Variants in OTUB2 observed in about 807,000 individuals in gnomAD.
OTUB2 encodes OTU deubiquitinase, ubiquitin aldehyde binding 2.
Under a neutral mutation model 25.1 loss-of-function variants are expected in OTUB2, and 21 were observed. That is an observed-to-expected ratio of 0.84 (90% CI 0.59 to 1.21). The LOEUF (loss-of-function observed/expected upper bound fraction) is 1.21, where lower values mean the gene tolerates loss of function less well. Among genes scored for constraint, OTUB2 ranks in the 50% most tolerant of loss-of-function variants. OTUB2 has a pLI of 0.00. For missense variants in OTUB2, 283 were observed against 298.0 expected (o/e 0.95, Z 0.37); for synonymous variants, 122 against 122.8 (o/e 0.99, Z 0.04).
At chr14:94,026,605 C>G in intron 1 of OTUB2, 65 bp downstream of exon 1, 4 of 1,066,696 alleles carry the variant, frequency 3.7e-6, no homozygotes, top group Non-Finnish European at 3.6e-6. Flanking sequence ...GGGTCGCTGC[C>G]GGAGCGGGTG....
At chr14:94,032,858 T>G (rs1466976814) in intron 1 of OTUB2, among the ~76,000 whole-genome samples, 1 of 152,222 alleles carries the variant, frequency 6.6e-6, no homozygotes, top group Non-Finnish European at 1.5e-5. Flanking sequence ...GCCCACAGTG[T>G]GTCCTGAAGG....
chr14:94,040,647 C>G (rs139004803), intron 3 of OTUB2, among the ~76,000 whole-genome samples: 271 of 152,358 alleles, frequency 1.8e-3, no homozygotes, highest in African/African-American at 6.1e-3. Flanking sequence ...TCCTGTCTCC[C>G]CACTCCAGTC....
At position 94,045,737 on chromosome 14, in the gene OTUB2, G is replaced by A; in HGVS notation, c.520G>A (p.Glu174Lys). 1 of 1,614,158 alleles carries A rather than the reference G, an allele frequency of 6.2e-7. No homozygotes were observed. Among genetic ancestry groups the A allele is most frequent in the Non-Finnish European group, 8.5e-7 (1 of 1,180,028 alleles). Residue 174 changes from glutamate to lysine, a missense_variant, in exon 6 of 6, where the codon GAG (glutamate) becomes AAG (lysine). Coordinates refer to ENST00000203664, the MANE Select transcript of OTUB2 (RefSeq NM_023112.4). ...CTHEVEPMAT[E>K]CDHIQITALS... ...GCAGGAAGTAGAGCCCATGGCCACG[G>A]AGTGTGACCACATCCAGATCACGGC... is the stretch of plus-strand genomic sequence containing the variant.
chr14:94,030,365 G>A (rs1008153823), intron 1 of OTUB2, among the ~76,000 whole-genome samples: 1 of 151,808 alleles, frequency 6.6e-6, no homozygotes, highest in African/African-American at 2.4e-5. Flanking sequence ...GGCGAGGTGG[G>A]CAGGAGAGCA....
At chr14:94,045,641 A>C in intron 5 of OTUB2, 75 bp from the exon 6 acceptor site, 1 of 1,430,404 alleles carries the variant, frequency 7.0e-7, no homozygotes, top group Admixed American at 1.9e-5. Flanking sequence ...TGACCCTGAG[A>C]GCCAGAGCTG....
rs993642087 is a variant in OTUB2 at position 94,046,051 on chromosome 14, C to G, written c.*129C>G. On this transcript the variant is annotated 3_prime_UTR_variant, in exon 6 of 6. Transcript: ENST00000203664. The stretch of plus-strand genomic sequence containing the variant: ...AAATGTGCAGCCTTTTGGGCAAAGC[C>G]CCTGGGAACGAGGCCTATCCACTAT... 5.6e-6 allele frequency: 6 copies of G among 1,077,844 alleles called. No homozygotes were observed. Among genetic ancestry groups the G allele is most frequent in the Non-Finnish European group, 8.1e-6 (6 of 739,738 alleles). 66.8% of individuals were successfully genotyped at this position (1,077,844 alleles called of 1,614,324 possible).
At chr14:94,034,223 C>T (rs1358357945) in intron 1 of OTUB2, among the ~76,000 whole-genome samples, 1 of 152,182 alleles carries the variant, frequency 6.6e-6, no homozygotes, top group Non-Finnish European at 1.5e-5. Context: ...GCCTGTAAAT[C>T]GTGTCCTGTT....
At chr14:94,034,649 A>C (rs565093914) in intron 1 of OTUB2, among the ~76,000 whole-genome samples, 243 of 152,346 alleles carry the variant, frequency 1.6e-3, no homozygotes, top group Non-Finnish European at 1.7e-3. Flanking sequence ...TTTGCACAAT[A>C]ATGGCACCTG....
chr14:94,029,934 G>C (rs1338379634), intron 1 of OTUB2, among the ~76,000 whole-genome samples: 1 of 152,202 alleles, frequency 6.6e-6, no homozygotes, highest in Non-Finnish European at 1.5e-5. Flanking sequence ...GATGCCACCT[G>C]CATCTTGGGA....
At chr14:94,029,275 T>C (rs984888942) in intron 1 of OTUB2, among the ~76,000 whole-genome samples, 1 of 152,206 alleles carries the variant, frequency 6.6e-6, no homozygotes, top group Non-Finnish European at 1.5e-5. Context: ...TATTCATTCA[T>C]GCAGTGTGTG....
chr14:94,037,061 G>A (rs766369252), intron 1 of OTUB2, among the ~76,000 whole-genome samples: 78 of 152,326 alleles, frequency 5.1e-4, no homozygotes, highest in Non-Finnish European at 9.0e-4. Flanking sequence ...GAGACAAAGG[G>A]CCTTATCCTC....
Position 94,038,271 on chromosome 14 carries a change from G to T in OTUB2, c.100-692G>T, listed in dbSNP as rs72700381. 6.7e-3 allele frequency among the ~76,000 whole-genome samples: 1,021 copies of T among 152,350 alleles called. 7 individuals are homozygous for T. Among genetic ancestry groups the T allele is most frequent in the Non-Finnish European group, 8.2e-3 (561 of 68,026 alleles). On this transcript the variant is annotated intron_variant, in intron 2 of 5. Transcript: ENST00000203664. Reference sequence around the variant, plus strand: ...GGGGCACTTCCAGGGAAGGAGCTGGGCTCTGCAGCCCACTGACTTTTGTGT... The same window carrying T: ...GGGGCACTTCCAGGGAAGGAGCTGGTCTCTGCAGCCCACTGACTTTTGTGT...
intron 1 of OTUB2, among the ~76,000 whole-genome samples, chr14:94,027,310 G>A (rs1318545916): frequency 6.6e-6 from 1 of 152,200 alleles, no homozygotes; most frequent in African/African-American, 2.4e-5. Context: ...AGTGCTCTTT[G>A]TGTTACATCG....
chr14:94,026,557 G>T lies in OTUB2; in HGVS notation c.3+17G>T. Reference sequence around the variant, plus strand: ...GTCACTATGGTCAGTGATCGTGGGGGATCGCGAAGGGGGAGCGGGCAGGGG... The same window carrying T: ...GTCACTATGGTCAGTGATCGTGGGGTATCGCGAAGGGGGAGCGGGCAGGGG... On this transcript the variant is annotated intron_variant, in intron 1 of 5. Coordinates refer to ENST00000203664, the MANE Select transcript of OTUB2 (RefSeq NM_023112.4). 2 of 1,229,660 alleles carry T rather than the reference G, an allele frequency of 1.6e-6. No homozygotes were observed. Among genetic ancestry groups the T allele is most frequent in the Non-Finnish European group, 1.0e-6 (1 of 979,350 alleles). 76.2% of individuals were successfully genotyped at this position (1,229,660 alleles called of 1,614,324 possible).
intron 2 of OTUB2, among the ~76,000 whole-genome samples, chr14:94,038,330 C>T (rs547844147): frequency 6.6e-6 from 1 of 152,214 alleles, no homozygotes; most frequent in Admixed American, 6.5e-5. Flanking sequence ...GAGCCAGGGG[C>T]TCCAGAGAGT....
At position 94,048,113 on chromosome 14, in the gene OTUB2, T is replaced by C. The variant is rs1475216901; in HGVS notation, c.*2191T>C. On this transcript the variant is annotated 3_prime_UTR_variant, in exon 6 of 6. Transcript: ENST00000203664. ...AGGGAAAACATAGTGGATGAAAAGG[T>C]GTGGCAGGCTTTGGCACCTTGTTAA... is the stretch of plus-strand genomic sequence containing the variant. 1 of 152,160 alleles carries C rather than the reference T, an allele frequency of 6.6e-6. No individual in the cohort carries two copies. Among genetic ancestry groups the C allele is most frequent in the Non-Finnish European group, 1.5e-5 (1 of 68,042 alleles). The allele number at this position is 152,160 out of a possible 1,614,324, so 9.4% of individuals were successfully genotyped here.
At chr14:94,028,502 AG>A (rs534606668) in intron 1 of OTUB2, among the ~76,000 whole-genome samples, 1 of 152,384 alleles carries the variant, frequency 6.6e-6, no homozygotes, top group Non-Finnish European at 1.5e-5. Context: ...GACCTCTGGC[AG>A]GGACTGCAAA....
At chr14:94,043,470 G>C (rs557351843) in intron 3 of OTUB2, among the ~76,000 whole-genome samples, 1 of 152,252 alleles carries the variant, frequency 6.6e-6, no homozygotes, top group South Asian at 2.1e-4. Context: ...AAGGGGCTGC[G>C]CCATGAGGGG....
At chr14:94,040,796 G>GT (rs1380556641) in intron 3 of OTUB2, among the ~76,000 whole-genome samples, 1 of 152,226 alleles carries the variant, frequency 6.6e-6, no homozygotes, top group Non-Finnish European at 1.5e-5. Context: ...CACGTTTGAG[G>GT]TGTCGGATGG....
Sources: gnomAD v4.1 joint callset for allele counts (sites outside exome capture counted in the v4.1 genomes callset) on GRCh38, gnomAD v4.1.1 for gene constraint, MANE v1.5 for transcripts, NCBI Gene and HGNC (gene_info 2026-07-23, HGNC 2026-07-21) for gene names.